The following GTF2H1 variants were observed in gnomAD, a reference collection of about 807,000 sequenced individuals.
GTF2H1 encodes general transcription factor IIH subunit 1.
A neutral mutation model predicts 71.2 loss-of-function variants in GTF2H1; 16 were observed. That is an observed-to-expected ratio of 0.22 (90% CI 0.15 to 0.34). GTF2H1 has a LOEUF of 0.34. Among genes scored for constraint, GTF2H1 ranks in the 10% least tolerant of loss-of-function variants. The pLI, the probability that GTF2H1 is intolerant of heterozygous loss-of-function variation, is 1.00. For synonymous variants in GTF2H1, 215 were observed against 219.0 expected (o/e 0.98, Z 0.16); for missense variants, 498 against 648.2 (o/e 0.77, Z 2.52).
intron 12 of GTF2H1, 83 bp downstream of exon 12, chr11:18,358,125 G>T: frequency 2.3e-6 from 2 of 870,378 alleles, no homozygotes; most frequent in Non-Finnish European, 3.8e-6. Context: ...ACTTTTATTG[G>T]TTTTTCCTTG....
chr11:18,323,763 C>T (rs1000779209), intron 1 of GTF2H1, among the ~76,000 whole-genome samples: 1 of 152,228 alleles, frequency 6.6e-6, no homozygotes, highest in African/African-American at 2.4e-5. Flanking sequence ...GCCCCACCAC[C>T]CCACTTAACT....
intron 11 of GTF2H1, among the ~76,000 whole-genome samples, chr11:18,354,868 G>A (rs550821104): frequency 2.6e-5 from 4 of 152,080 alleles, no homozygotes; most frequent in South Asian, 4.1e-4. Context: ...AAGTGCAGTG[G>A]CATGATCTCG....
chr11:18,328,373 G>A (rs543982019), intron 1 of GTF2H1, among the ~76,000 whole-genome samples: 3 of 150,898 alleles, frequency 2.0e-5, no homozygotes, highest in South Asian at 2.1e-4. Flanking sequence ...TTAGCCGGGC[G>A]TGGTGGCAGG....
Position 18,330,432 on chromosome 11 carries a change from A to C in GTF2H1, c.-15-2628A>C, listed in dbSNP as rs1045724215. ...CGGAGAGCTGACTGCAAGGAGACAA[A>C]AGCTTCCAGGGGATTTTATAGGATT... On this transcript the variant is annotated intron_variant, in intron 1 of 14. Coordinates refer to ENST00000265963, the MANE Select transcript of GTF2H1 (RefSeq NM_005316.4). Among the ~76,000 whole-genome samples, 3 of 152,184 alleles carry C rather than the reference A, an allele frequency of 2.0e-5. 1 individual carries two copies. Among genetic ancestry groups the C allele is most frequent in the African/African-American group, 7.2e-5 (3 of 41,432 alleles).
intron 1 of GTF2H1, among the ~76,000 whole-genome samples, chr11:18,326,945 C>G (rs1362136618): frequency 1.3e-5 from 2 of 151,944 alleles, no homozygotes; most frequent in Non-Finnish European, 2.9e-5. Context: ...AATATGTTCT[C>G]TAACTCCCAA....
chr11:18,352,126 C>A, intron 10 of GTF2H1, 157 bp downstream of exon 10: 1 of 628,128 alleles, frequency 1.6e-6, no homozygotes, highest in Admixed American at 2.8e-5. Context: ...CAAAAATGAT[C>A]AAACCCATGA....
At chr11:18,329,217 C>G (rs1402701353) in intron 1 of GTF2H1, among the ~76,000 whole-genome samples, 1 of 152,188 alleles carries the variant, frequency 6.6e-6, no homozygotes, top group Non-Finnish European at 1.5e-5. Flanking sequence ...AAGCAGTCAT[C>G]TAATCGGGCT....
rs4150602 is a variant in GTF2H1, at chr11:18,341,231, T to C, written c.608-30T>C. The C allele has an allele frequency of 3.6e-3, 5,601 of 1,574,422 alleles. 181 individuals carry two copies. In the African/African-American group the frequency reaches 0.068, roughly 19 times the overall value. On this transcript the variant is annotated intron_variant, in intron 5 of 14. Transcript: ENST00000265963. ...AGAGGTTTTAAAAATGGAAATTCAG[T>C]ATATAATATTTGTGGGTTTTTTTCC...
In GTF2H1 at chr11:18,326,551, T is replaced by TG. The variant is rs570849337; in HGVS notation, c.-16+3812dup. Among the ~76,000 whole-genome samples the TG allele has an allele frequency of 1.7e-3, 253 of 152,290 alleles. 1 individual carries two copies. Among genetic ancestry groups the TG allele is most frequent in the Non-Finnish European group, 3.0e-3 (201 of 68,012 alleles). On this transcript the variant is annotated intron_variant, in intron 1 of 14. Transcript: ENST00000265963. ...AAAAAAAGGTTATGTTTTTCCCAGT[T>TG]GCTGTAGTCAGTTCTGTCTCATGAT...
chr11:18,332,656 C>T (rs1225528038), intron 1 of GTF2H1: 2 of 153,438 alleles, frequency 1.3e-5, no homozygotes, highest in East Asian at 3.8e-4. Flanking sequence ...CCCCACATAT[C>T]TTGCAGACTT....
chr11:18,322,921 C>A (rs1459594035), intron 1 of GTF2H1, among the ~76,000 whole-genome samples, 181 bp downstream of exon 1: 1 of 152,140 alleles, frequency 6.6e-6, no homozygotes, highest in Non-Finnish European at 1.5e-5. Context: ...AGAGGCGACC[C>A]CTAATCTACT....
Position 18,347,888 on chromosome 11 carries a change from A to G in GTF2H1, c.1022A>G (p.Asp341Gly), listed in dbSNP as rs1865334822. 1 of 1,613,882 alleles carries G rather than the reference A, an allele frequency of 6.2e-7. No individual in the cohort carries two copies. The highest frequency in any genetic ancestry group is 8.5e-7 in the Non-Finnish European group (1 of 1,179,808). ...AGCAACATGGATGGAAATTCCGGAG[A>G]TGCAGACTGCTTTCAGCCAGCAGTC... ...EPSNMDGNSG[D>G]ADCFQPAVKR... Residue 341 changes from aspartate (D) to glycine (G), a missense_variant, in exon 9 of 15, where the codon GAT (aspartate) becomes GGT (glycine). Coordinates refer to ENST00000265963, the MANE Select transcript of GTF2H1 (RefSeq NM_005316.4).
Position 18,351,919 on chromosome 11 carries a change from GA to G in GTF2H1, c.1097del (p.Asn366IlefsTer4). On this transcript the variant is annotated frameshift_variant, in exon 10 of 15. Coordinates refer to ENST00000265963, the MANE Select transcript of GTF2H1 (RefSeq NM_005316.4). LOFTEE classifies it high-confidence loss of function. ...AGTCCATTGAATATGAAGACTTGGGGAAAAATAATTCTGTAAAAACGATTGC... is the reference window on the plus strand; with the variant it reads ...AGTCCATTGAATATGAAGACTTGGGGAAAATAATTCTGTAAAAACGATTGC... ...QESIEYEDLG[K>X]NNSVKTIALN... The G allele has an allele frequency of 6.3e-7, 1 of 1,598,982 alleles. No homozygotes were observed. Among genetic ancestry groups the G allele is most frequent in the Non-Finnish European group, 8.6e-7 (1 of 1,166,614 alleles).
At chr11:18,328,712 G>C (rs1415495750) in intron 1 of GTF2H1, among the ~76,000 whole-genome samples, 2 of 150,626 alleles carry the variant, frequency 1.3e-5, no homozygotes, top group Non-Finnish European at 1.5e-5. Flanking sequence ...TGTAGTCCCG[G>C]CTACTCTGGA....
rs984687960 is a variant in GTF2H1, at chr11:18,359,781, G to A, written c.1468-834G>A. 6.6e-5 allele frequency among the ~76,000 whole-genome samples: 10 copies of A among 151,718 alleles called. No homozygotes were observed. In the South Asian group the frequency reaches 8.4e-4, roughly 13 times the overall value. On this transcript the variant is annotated intron_variant, in intron 13 of 14. Coordinates refer to ENST00000265963, the MANE Select transcript of GTF2H1 (RefSeq NM_005316.4). ...GCTGGAGTGCAGTGGAGTGATCTCTGCTCACTGCAGCCGCTACCTTCTGGG... is the reference window on the plus strand; with the variant it reads ...GCTGGAGTGCAGTGGAGTGATCTCTACTCACTGCAGCCGCTACCTTCTGGG...
intron 12 of GTF2H1, 33 bp from the exon 13 acceptor site, chr11:18,358,492 T>C (rs769753186): frequency 1.7e-5 from 21 of 1,238,618 alleles, no homozygotes; most frequent in African/African-American, 3.0e-5. Context: ...TTAAAATAGC[T>C]CTTAACCTAT....
At chr11:18,360,862 G>A (rs1335933037) in intron 14 of GTF2H1, 155 bp downstream of exon 14, 2 of 530,638 alleles carry the variant, frequency 3.8e-6, no homozygotes, top group Non-Finnish European at 6.5e-6. Flanking sequence ...CTGGAGTACA[G>A]TGGCTCCATC....
chr11:18,360,615 G>A lies in GTF2H1; in HGVS notation c.1468G>A (p.Val490Ile). Residue 490 changes from valine to isoleucine, a missense_variant and splice_region_variant, in exon 14 of 15, where the codon GTA becomes ATA. Val to Ile is a conservative substitution (Grantham distance 29). Coordinates refer to ENST00000265963, the MANE Select transcript of GTF2H1 (RefSeq NM_005316.4). ...PVNTPFLEEK[V>I]VKMKSNLERF... Reference sequence around the variant, plus strand: ...ATTTATTGTTTCTCATCTTTTTTAGGTAGTGAAAATGAAAAGTAATTTGGA... The same window carrying A: ...ATTTATTGTTTCTCATCTTTTTTAGATAGTGAAAATGAAAAGTAATTTGGA... 2 of 1,442,182 alleles carry A rather than the reference G, an allele frequency of 1.4e-6. No homozygotes were observed. Among genetic ancestry groups the A allele is most frequent in the Non-Finnish European group, 9.5e-7 (1 of 1,055,864 alleles). The allele number at this position is 1,442,182 out of a possible 1,614,324, so 89.3% of individuals were successfully genotyped here.
At chr11:18,332,799 AAAAT>A (rs543350049) in intron 1 of GTF2H1, 284 of 247,514 alleles carry the variant, frequency 1.1e-3, no homozygotes, top group Non-Finnish European at 1.7e-3. Flanking sequence ...ATAACTGAGG[AAAAT>A]AAATTAATAA....
Sources: allele counts gnomAD v4.1 joint callset (sites outside exome capture counted in the v4.1 genomes callset), GRCh38; gene constraint gnomAD v4.1.1; transcripts MANE v1.5; gene names NCBI Gene and HGNC (gene_info 2026-07-23, HGNC 2026-07-21).